The following GRM7 variants were observed in gnomAD, a reference collection of about 807,000 sequenced individuals.
GRM7 encodes glutamate metabotropic receptor 7, also known as metabotropic glutamate receptor 7.
In GRM7, 35 loss-of-function variants were observed where a neutral mutation model predicts 84.5. The observed-to-expected ratio is 0.41, with a 90% confidence interval of 0.32 to 0.55. GRM7 has a LOEUF of 0.55. GRM7 is among the 20% of genes least tolerant of loss of function. The pLI, the probability that GRM7 is intolerant of heterozygous loss-of-function variation, is 0.19. For missense variants in GRM7, 1,003 were observed against 1,194.6 expected (o/e 0.84, Z 2.36); for synonymous variants, 487 against 455.1 (o/e 1.07, Z -0.89).
At chr3:7,242,775 A>G (rs1697608203) in intron 2 of GRM7, among the ~76,000 whole-genome samples, 1 of 152,106 alleles carries the variant, frequency 6.6e-6, no homozygotes, top group Admixed American at 6.6e-5. Flanking sequence ...GATCTATTCC[A>G]GAGCTGTGTG....
intron 2 of GRM7, among the ~76,000 whole-genome samples, chr3:7,210,541 C>A (rs1157202541): frequency 2.0e-5 from 3 of 152,024 alleles, no homozygotes; most frequent in African/African-American, 7.2e-5. Context: ...AAAAGAAATG[C>A]CAAAAGCACC....
intron 8 of GRM7, among the ~76,000 whole-genome samples, chr3:7,585,590 A>G (rs1695481995): frequency 6.6e-6 from 1 of 152,184 alleles, no homozygotes; most frequent in Non-Finnish European, 1.5e-5. Context: ...AGAAAGAGAA[A>G]TTCCTGCTAA....
At chr3:6,901,286 C>A (rs1696370963) in intron 1 of GRM7, among the ~76,000 whole-genome samples, 1 of 152,054 alleles carries the variant, frequency 6.6e-6, no homozygotes, top group African/African-American at 2.4e-5. Flanking sequence ...AGTTTTTCTT[C>A]CTACCAGTTT....
intron 4 of GRM7, among the ~76,000 whole-genome samples, chr3:7,334,012 T>A (rs1032978558): frequency 1.4e-4 from 21 of 151,958 alleles, no homozygotes; most frequent in African/African-American, 5.1e-4. Context: ...TTAAGAGAAA[T>A]CTGCAAGTTT....
At chr3:7,285,518 G>T (rs1699401123) in intron 2 of GRM7, among the ~76,000 whole-genome samples, 1 of 152,090 alleles carries the variant, frequency 6.6e-6, no homozygotes, top group Admixed American at 6.6e-5. Flanking sequence ...AGCGCAAAAT[G>T]ATAAATTATA....
rs1695724721 is a variant in GRM7 at position 7,407,342 on chromosome 3, G to C, written c.1034-7681G>C. 3.3e-5 allele frequency among the ~76,000 whole-genome samples: 5 copies of C among 152,226 alleles called. 1 individual carries two copies. The South Asian group carries it at 1.0e-3, about 32-fold the overall frequency. On this transcript the variant is annotated intron_variant, in intron 4 of 9. Transcript: ENST00000357716. ...TGGTCATTTTATGTTTCATTCTACT[G>C]ACCTTGTGCATCTTGAGCAGCCTCA...
chr3:7,256,260 T>C (rs1472154639), intron 2 of GRM7, among the ~76,000 whole-genome samples: 1 of 152,170 alleles, frequency 6.6e-6, no homozygotes, highest in Non-Finnish European at 1.5e-5. Flanking sequence ...TTTCCCCTAC[T>C]TGAAGGAAAT....
intron 1 of GRM7, among the ~76,000 whole-genome samples, chr3:6,901,298 G>A (rs533422184): frequency 1.7e-4 from 26 of 152,180 alleles, no homozygotes; most frequent in African/African-American, 6.3e-4. Flanking sequence ...TACCAGTTTA[G>A]CAATAAGAAG....
At chr3:7,529,341 T>G (rs1700937714) in intron 7 of GRM7, among the ~76,000 whole-genome samples, 1 of 151,862 alleles carries the variant, frequency 6.6e-6, no homozygotes, top group Admixed American at 6.6e-5. Flanking sequence ...TTCTGGTTCT[T>G]AAGAGGCACT....
At chr3:7,075,543 TG>T in intron 1 of GRM7, among the ~76,000 whole-genome samples, 1 of 140,860 alleles carries the variant, frequency 7.1e-6, no homozygotes, top group African/African-American at 2.6e-5. Flanking sequence ...TGTGTGTGTG[TG>T]TTTGGAGATG....
chr3:7,379,126 G>T (rs1012073178), intron 4 of GRM7, among the ~76,000 whole-genome samples: 1 of 152,144 alleles, frequency 6.6e-6, no homozygotes, highest in African/African-American at 2.4e-5. Flanking sequence ...GGGCTGGAGT[G>T]CAGTGGCGTG....
chr3:7,647,468 C>T (rs1698699152), intron 8 of GRM7, among the ~76,000 whole-genome samples: 1 of 152,154 alleles, frequency 6.6e-6, no homozygotes. Flanking sequence ...GGTACAAGGG[C>T]ACCCAAAGAG....
At chr3:7,047,168 C>G (rs1334871413) in intron 1 of GRM7, among the ~76,000 whole-genome samples, 1 of 151,710 alleles carries the variant, frequency 6.6e-6, no homozygotes, top group Admixed American at 6.6e-5. Flanking sequence ...GAAAATAATT[C>G]ATTGTTGTAT....
rs564511090 is a variant in GRM7 at position 7,488,600 on chromosome 3, A to G, written c.1515+26878A>G. On this transcript the variant is annotated intron_variant, in intron 7 of 9. Coordinates refer to ENST00000357716, the MANE Select transcript of GRM7 (RefSeq NM_000844.4). ...GCTTCATCTTCCGCTTCTCCATGAC[A>G]TTGTAATGCAGCATGAGGCCCCCGC... Among the ~76,000 whole-genome samples, 4 of 152,286 alleles carry G rather than the reference A, an allele frequency of 2.6e-5. 1 individual carries two copies. Among genetic ancestry groups the G allele is most frequent in the Admixed American group, 2.0e-4 (3 of 15,302 alleles).
chr3:7,733,648 G>A (rs549326846), intron 9 of GRM7, among the ~76,000 whole-genome samples: 1 of 152,222 alleles, frequency 6.6e-6, no homozygotes, highest in South Asian at 2.1e-4. Flanking sequence ...ATTTTACCCA[G>A]TCCCTATTCA....
At chr3:7,608,735 A>G (rs1371060226) in intron 8 of GRM7, among the ~76,000 whole-genome samples, 1 of 151,948 alleles carries the variant, frequency 6.6e-6, no homozygotes, top group African/African-American at 2.4e-5. Context: ...CCCAATTGTC[A>G]GTTTTTGCTT....
intron 9 of GRM7, among the ~76,000 whole-genome samples, chr3:7,720,334 C>T (rs1559504987): frequency 1.3e-5 from 2 of 152,076 alleles, no homozygotes; most frequent in Non-Finnish European, 1.5e-5. Context: ...CAGCCATAAC[C>T]ATTTCTCAAA....
chr3:7,563,759 C>T (rs568940405), intron 7 of GRM7, among the ~76,000 whole-genome samples: 171 of 152,222 alleles, frequency 1.1e-3, no homozygotes, highest in Non-Finnish European at 1.5e-3. Flanking sequence ...CACTGTCTCA[C>T]GTGGGCAATG....
chr3:7,683,521 A>AGATTCAT (rs1315083566), intron 9 of GRM7, among the ~76,000 whole-genome samples: 1 of 152,194 alleles, frequency 6.6e-6, no homozygotes, highest in Non-Finnish European at 1.5e-5. Flanking sequence ...CCATAGGAGG[A>AGATTCAT]GATTCATGTA....
Sources: allele counts gnomAD v4.1 joint callset (sites outside exome capture counted in the v4.1 genomes callset), GRCh38; gene constraint gnomAD v4.1.1; transcripts MANE v1.5; gene names NCBI Gene and HGNC (gene_info 2026-07-23, HGNC 2026-07-21).